PLIN3: variants seen among roughly 807,000 people sequenced by gnomAD.
PLIN3 encodes the protein perilipin-3.
In PLIN3, 30 loss-of-function variants were observed where a neutral mutation model predicts 35.9. That is an observed-to-expected ratio of 0.84 (90% CI 0.62 to 1.13). The LOEUF (loss-of-function observed/expected upper bound fraction) is 1.13, where lower values mean the gene tolerates loss of function less well. Ranked by LOEUF, PLIN3 falls within the 50% of genes most tolerant of loss-of-function variation. The pLI is 0.00. For missense variants in PLIN3, 603 were observed against 596.9 expected (o/e 1.01, Z -0.11); for synonymous variants, 261 against 262.5 (o/e 0.99, Z 0.06).
chr19:4,861,212 TG>T, intron 2 of PLIN3, 116 bp downstream of exon 2: 2 of 836,162 alleles, frequency 2.4e-6, no homozygotes, highest in Non-Finnish European at 4.0e-6. Flanking sequence ...TAAATCCCTC[TG>T]GCTCCGTGAG....
At chr19:4,856,273 T>C (rs1402772201) in intron 4 of PLIN3, among the ~76,000 whole-genome samples, 1 of 152,006 alleles carries the variant, frequency 6.6e-6, no homozygotes, top group Non-Finnish European at 1.5e-5. Flanking sequence ...AATAAGCATC[T>C]ATCTGCAGGG....
intron 1 of PLIN3, among the ~76,000 whole-genome samples, chr19:4,864,451 G>T (rs1407176427): frequency 1.6e-5 from 2 of 127,946 alleles, no homozygotes; most frequent in African/African-American, 2.7e-5. Flanking sequence ...CTCAGCCGTG[G>T]TTTGTTTTTT....
chr19:4,855,440 G>A (rs977798487), intron 4 of PLIN3, among the ~76,000 whole-genome samples: 13 of 151,934 alleles, frequency 8.6e-5, no homozygotes, highest in African/African-American at 2.9e-4. Flanking sequence ...CCATCTTCCT[G>A]TAAGCTCAGC....
chr19:4,847,294 A>G (rs2030132773), intron 6 of PLIN3, among the ~76,000 whole-genome samples: 1 of 151,726 alleles, frequency 6.6e-6, no homozygotes, highest in African/African-American at 2.4e-5. Context: ...GGCTCAAGCA[A>G]TCGTCCCACC....
chr19:4,846,255 G>A (rs1468797349), intron 6 of PLIN3, among the ~76,000 whole-genome samples: 1 of 150,292 alleles, frequency 6.7e-6, no homozygotes, highest in Non-Finnish European at 1.5e-5. Context: ...GTGCACCTAA[G>A]AGGCTGCAGT....
At chr19:4,841,987 C>G (rs1332623026) in intron 7 of PLIN3, among the ~76,000 whole-genome samples, 4 of 146,320 alleles carry the variant, frequency 2.7e-5, no homozygotes, top group Non-Finnish European at 4.5e-5. Context: ...CCTGGAAGAA[C>G]TTTCTAGGCA....
In PLIN3 at chr19:4,852,426, C is replaced by T. The variant is rs142910022; in HGVS notation, c.349-125G>A. On this transcript the variant is annotated intron_variant, in intron 4 of 7. Transcript: ENST00000221957. ...ATCCCCCGGGTGACCCCAGCATCTCCGTCTTCCCTCTGTATGTGGGCACCC... is the reference window on the plus strand; with the variant it reads ...ATCCCCCGGGTGACCCCAGCATCTCTGTCTTCCCTCTGTATGTGGGCACCC... The T allele has an allele frequency of 6.4e-3, 7,386 of 1,157,114 alleles. 45 individuals carry two copies. Among genetic ancestry groups the T allele is most frequent in the Admixed American group, 0.013 (557 of 42,160 alleles). 71.7% of individuals were successfully genotyped at this position (1,157,114 alleles called of 1,614,324 possible). A position where few individuals can be genotyped will look rare whatever the true frequency, so the allele number is the denominator to read the frequency against.
At chr19:4,846,510 C>A (rs1354345338) in intron 6 of PLIN3, among the ~76,000 whole-genome samples, 2 of 151,702 alleles carry the variant, frequency 1.3e-5, no homozygotes, top group Non-Finnish European at 2.9e-5. Context: ...ACCAGCCCGG[C>A]CAACATAGTG....
Position 4,839,465 on chromosome 19 carries a change from CA to C in PLIN3, c.1031del (p.Leu344ArgfsTer12), listed in dbSNP as rs761027697. 3.8e-6 allele frequency: 6 copies of C among 1,569,594 alleles called. No homozygotes were observed. The highest frequency in any genetic ancestry group is 1.7e-4 in the Middle Eastern group (1 of 5,876). On this transcript the variant is annotated frameshift_variant, in exon 8 of 8. Coordinates refer to ENST00000221957, the MANE Select transcript of PLIN3 (RefSeq NM_005817.5). LOFTEE classifies it low-confidence loss of function (END_TRUNC). ...TGGGGAGGCCCTGAATGCTGGACCC[CA>C]GGGAGGTACAGGTGGCCTGCAGTTG... ...AQQLQATCTSLGSSIQGLPTN... is the reference protein window; with the variant it reads ...AQQLQATCTSXGSSIQGLPTN...
At chr19:4,850,443 C>T (rs1275653746) in intron 5 of PLIN3, among the ~76,000 whole-genome samples, 4 of 151,310 alleles carry the variant, frequency 2.6e-5, no homozygotes, top group South Asian at 2.1e-4. Context: ...TTTTTTGAGA[C>T]GGCGTCTAGC....
At chr19:4,852,367 C>T in intron 4 of PLIN3, 66 bp from the exon 5 acceptor site, 1 of 1,551,062 alleles carries the variant, frequency 6.4e-7, no homozygotes. Context: ...TCCCCTGCAC[C>T]CCAACTTCCA....
intron 1 of PLIN3, among the ~76,000 whole-genome samples, chr19:4,866,271 G>A (rs2030855061): frequency 6.6e-6 from 1 of 152,092 alleles, no homozygotes; most frequent in African/African-American, 2.4e-5. Context: ...GCCCACCTCA[G>A]CCTCCCAAAG....
At chr19:4,841,604 TAAA>T (rs370959554) in intron 7 of PLIN3, among the ~76,000 whole-genome samples, 1 of 140,856 alleles carries the variant, frequency 7.1e-6, no homozygotes, top group South Asian at 2.3e-4. Context: ...ATAAAACTGT[TAAA>T]AAAAAAAAAA....
Position 4,847,629 on chromosome 19 carries a change from G to A in PLIN3, c.834+62C>T, listed in dbSNP as rs1283674852. The A allele has an allele frequency of 1.4e-5, 19 of 1,396,752 alleles. No individual in the cohort carries two copies. The East Asian group carries it at 4.2e-4, about 31-fold the overall frequency. The allele number at this position is 1,396,752 out of a possible 1,614,324, so 86.5% of individuals were successfully genotyped here. On this transcript the variant is annotated intron_variant, in intron 6 of 7. Transcript: ENST00000221957. ...GTGAGCAATAAGCCACTGAGCTCTG[G>A]GTGGGTGTCTGCTGCGGGGTGAAGG...
intron 4 of PLIN3, among the ~76,000 whole-genome samples, chr19:4,858,712 T>TTTTC (rs1210222390): frequency 3.0e-5 from 4 of 134,632 alleles, no homozygotes; most frequent in Non-Finnish European, 4.8e-5. Context: ...TTTTTTTTTT[T>TTTTC]TTTTTTGAGA....
At position 4,838,648 on chromosome 19, in the gene PLIN3, T is replaced by G. The variant is rs1266959230; in HGVS notation, c.*544A>C. 6.6e-6 allele frequency: 1 copy of G among 151,552 alleles called. No individual in the cohort carries two copies. Among genetic ancestry groups the G allele is most frequent in the Admixed American group, 6.6e-5 (1 of 15,130 alleles). 9.4% of individuals were successfully genotyped at this position (151,552 alleles called of 1,614,324 possible). A position where few individuals can be genotyped will look rare whatever the true frequency, so the allele number is the denominator to read the frequency against. On this transcript the variant is annotated 3_prime_UTR_variant, in exon 8 of 8. Transcript: ENST00000221957. Reference sequence around the variant, plus strand: ...CAGGCTGGAGTGCAATGGCGCGATCTTGGCTCACTGCAACCTCCGCCTCTC... The same window carrying G: ...CAGGCTGGAGTGCAATGGCGCGATCGTGGCTCACTGCAACCTCCGCCTCTC...
chr19:4,851,830 G>A (rs1038351444), intron 5 of PLIN3, among the ~76,000 whole-genome samples, 186 bp downstream of exon 5: 3 of 152,036 alleles, frequency 2.0e-5, no homozygotes, highest in Non-Finnish European at 4.4e-5. Flanking sequence ...GACTGTGGTG[G>A]ATGAGGGCGG....
At chr19:4,854,092 C>T (rs2146207823) in intron 4 of PLIN3, among the ~76,000 whole-genome samples, 1 of 151,942 alleles carries the variant, frequency 6.6e-6, no homozygotes, top group South Asian at 2.1e-4. Context: ...ACCACCACAC[C>T]CGGCTTATTT....
chr19:4,842,379 A>G, intron 7 of PLIN3, among the ~76,000 whole-genome samples: 1 of 151,976 alleles, frequency 6.6e-6, no homozygotes, highest in Non-Finnish European at 1.5e-5. Context: ...CAGTGAGTCA[A>G]GATCACGCCA....
Sources: allele counts gnomAD v4.1 joint callset (sites outside exome capture counted in the v4.1 genomes callset), GRCh38; gene constraint gnomAD v4.1.1; transcripts MANE v1.5; gene names NCBI Gene and HGNC (gene_info 2026-07-23, HGNC 2026-07-21).